The following WWOX variants were observed in gnomAD, a reference collection of about 807,000 sequenced individuals.
WWOX encodes the protein WW domain-containing oxidoreductase.
WWOX carries 69 observed loss-of-function variants against 46.2 expected under a neutral mutation model. That is an observed-to-expected ratio of 1.49 (90% CI 1.23 to 1.82). The LOEUF (loss-of-function observed/expected upper bound fraction) is 1.82, where lower values mean the gene tolerates loss of function less well. Among genes scored for constraint, WWOX ranks in the 40% most tolerant of loss-of-function variants. The pLI, the probability that WWOX is intolerant of heterozygous loss-of-function variation, is 0.00. For missense variants in WWOX, 919 were observed against 542.6 expected (o/e 1.69, Z -6.89); for synonymous variants, 359 against 202.6 (o/e 1.77, Z -6.56).
At chr16:78,695,323 C>T (rs540109881) in intron 8 of WWOX, among the ~76,000 whole-genome samples, 1 of 152,008 alleles carries the variant, frequency 6.6e-6, no homozygotes. Flanking sequence ...TCTCTCACTC[C>T]AATTTGAATC....
chr16:78,109,848 A>C lies in WWOX; in HGVS notation c.230+13A>C. ...TGTTTTTTGTTGAGTAAGTGTCTGC[A>C]AAGAAACCACTCTCAGCTGTTTTGC... On this transcript the variant is annotated intron_variant, in intron 3 of 8. Transcript: ENST00000566780. 6.2e-7 allele frequency: 1 copy of C among 1,614,194 alleles called. No individual in the cohort carries two copies. The highest frequency in any genetic ancestry group is 8.5e-7 in the Non-Finnish European group (1 of 1,180,028).
Position 78,123,923 on chromosome 16 carries a change from G to A in WWOX, c.409+8769G>A, listed in dbSNP as rs1032381464. Reference sequence around the variant, plus strand: ...CAGTATATGTTTCTTAAGTAAGAGGGATCATATTAAACCAGCTACTTAATG... The same window carrying A: ...CAGTATATGTTTCTTAAGTAAGAGGAATCATATTAAACCAGCTACTTAATG... On this transcript the variant is annotated intron_variant, in intron 4 of 8. Coordinates refer to ENST00000566780, the MANE Select transcript of WWOX (RefSeq NM_016373.4). The A allele has an allele frequency of 1.2e-4, 19 of 152,060 alleles. 1 individual carries two copies. Among genetic ancestry groups the A allele is most frequent in the African/African-American group, 4.6e-4 (19 of 41,396 alleles). The allele number at this position is 152,060 out of a possible 1,614,324, so 9.4% of individuals were successfully genotyped here. A position where few individuals can be genotyped will look rare whatever the true frequency, so the allele number is the denominator to read the frequency against.
intron 8 of WWOX, among the ~76,000 whole-genome samples, chr16:78,524,760 A>T (rs1253444924): frequency 6.6e-6 from 1 of 151,358 alleles, no homozygotes; most frequent in Non-Finnish European, 1.5e-5. Context: ...GCATTGTGAT[A>T]AATAATATTT....
rs560061947 is a variant in WWOX at position 78,180,467 on chromosome 16, G to A, written c.516+16178G>A. ...TTAGGGCTAGTGCGTAAACCCAGCT[G>A]CACCCGAGATATGGGGTATACATGA... On this transcript the variant is annotated intron_variant, in intron 5 of 8. Transcript: ENST00000566780. 5.3e-5 allele frequency among the ~76,000 whole-genome samples: 8 copies of A among 152,140 alleles called. No homozygotes were observed. In the East Asian group the frequency reaches 1.6e-3, roughly 30 times the overall value.
chr16:79,133,881 T>C (rs555923467), intron 8 of WWOX, among the ~76,000 whole-genome samples: 5 of 152,178 alleles, frequency 3.3e-5, no homozygotes, highest in African/African-American at 9.7e-5. Context: ...TGCAAAATCT[T>C]GGAGGTAGAT....
intron 8 of WWOX, among the ~76,000 whole-genome samples, chr16:78,544,133 C>A (rs565144494): frequency 6.6e-6 from 1 of 152,220 alleles, no homozygotes; most frequent in East Asian, 1.9e-4. Context: ...ATATATTGGC[C>A]AAGATCTAGC....
chr16:78,349,146 G>T (rs1346868629), intron 5 of WWOX, among the ~76,000 whole-genome samples: 1 of 120,652 alleles, frequency 8.3e-6, no homozygotes, highest in African/African-American at 2.8e-5. Flanking sequence ...GCAGACAGCC[G>T]CCTTCCCACC....
intron 8 of WWOX, among the ~76,000 whole-genome samples, chr16:79,033,683 G>A (rs2047810257): frequency 6.6e-6 from 1 of 152,158 alleles, no homozygotes; most frequent in South Asian, 2.1e-4. Flanking sequence ...GTGCAAAACT[G>A]AAACGCTGTA....
At chr16:78,506,002 C>G (rs2085193889) in intron 8 of WWOX, among the ~76,000 whole-genome samples, 1 of 152,312 alleles carries the variant, frequency 6.6e-6, no homozygotes, top group East Asian at 1.9e-4. Context: ...GAAGACACAC[C>G]ATTCCCCGTC....
intron 8 of WWOX, among the ~76,000 whole-genome samples, chr16:78,805,596 T>G (rs1210534941): frequency 6.6e-6 from 1 of 152,182 alleles, no homozygotes; most frequent in Non-Finnish European, 1.5e-5. Context: ...AGCATAGATT[T>G]GAGGCATCTT....
chr16:78,378,861 A>G (rs571977296), intron 5 of WWOX, among the ~76,000 whole-genome samples: 1 of 152,346 alleles, frequency 6.6e-6, no homozygotes, highest in South Asian at 2.1e-4. Flanking sequence ...TAAAATAAAT[A>G]TGATATAAAA....
chr16:78,773,971 G>A (rs2050126946), intron 8 of WWOX, among the ~76,000 whole-genome samples: 1 of 152,202 alleles, frequency 6.6e-6, no homozygotes, highest in Non-Finnish European at 1.5e-5. Flanking sequence ...AAAGCATGTG[G>A]CTGAAATGAG....
chr16:79,049,295 G>T (rs961094540), intron 8 of WWOX, among the ~76,000 whole-genome samples: 5 of 152,198 alleles, frequency 3.3e-5, no homozygotes, highest in African/African-American at 1.2e-4. Context: ...TGTCAAGGAA[G>T]TAAGCATAAT....
At chr16:78,418,825 A>G (rs1670779992) in intron 6 of WWOX, among the ~76,000 whole-genome samples, 1 of 152,178 alleles carries the variant, frequency 6.6e-6, no homozygotes, top group South Asian at 2.1e-4. Context: ...CAAAAAACCC[A>G]CAAATGACAT....
At chr16:78,443,810 T>G (rs1255576474) in intron 8 of WWOX, among the ~76,000 whole-genome samples, 1 of 152,198 alleles carries the variant, frequency 6.6e-6, no homozygotes, top group African/African-American at 2.4e-5. Flanking sequence ...TCTTTTAAGT[T>G]TGTGGTGCCT....
chr16:78,862,369 GTA>G (rs1043572483), intron 8 of WWOX, among the ~76,000 whole-genome samples: 1 of 150,962 alleles, frequency 6.6e-6, no homozygotes, highest in African/African-American at 2.4e-5. Flanking sequence ...AAACACTATA[GTA>G]TATAGAGTAT....
At chr16:78,326,578 C>CG (rs1491485547) in intron 5 of WWOX, among the ~76,000 whole-genome samples, 1 of 24,330 alleles carries the variant, frequency 4.1e-5, no homozygotes, top group Admixed American at 5.4e-4. Context: ...CCTCCCCCCG[C>CG]CCCCCCCCCC....
chr16:78,819,345 G>T lies in WWOX; in HGVS notation c.1056+386593G>T, dbSNP rs1003616428. On this transcript the variant is annotated intron_variant, in intron 8 of 8. Coordinates refer to ENST00000566780, the MANE Select transcript of WWOX (RefSeq NM_016373.4). ...GAGGACTAGCTAAAACAGGGATAGGGTGGGTGCACCTTTCCATGAGCTGTG... is the reference window on the plus strand; with the variant it reads ...GAGGACTAGCTAAAACAGGGATAGGTTGGGTGCACCTTTCCATGAGCTGTG... 5.9e-5 allele frequency among the ~76,000 whole-genome samples: 9 copies of T among 152,270 alleles called. No homozygotes were observed. The South Asian group carries it at 1.7e-3, about 28-fold the overall frequency.
At chr16:78,180,454 C>T (rs578069793) in intron 5 of WWOX, among the ~76,000 whole-genome samples, 15 of 150,460 alleles carry the variant, frequency 1.0e-4, no homozygotes, top group South Asian at 2.1e-4. Context: ...AGGGCTAGTG[C>T]GTAAACCCAG....
Sources: gnomAD v4.1 joint callset for allele counts (sites outside exome capture counted in the v4.1 genomes callset) on GRCh38, gnomAD v4.1.1 for gene constraint, MANE v1.5 for transcripts, NCBI Gene and HGNC (gene_info 2026-07-23, HGNC 2026-07-21) for gene names.